The following CDK12 variants were observed in gnomAD, a reference collection of about 807,000 sequenced individuals.
The protein encoded by CDK12 is cyclin dependent kinase 12.
A neutral mutation model predicts 133.8 loss-of-function variants in CDK12; 17 were observed. The ratio of observed to expected loss-of-function variants is 0.13; its 90% CI spans 0.09 to 0.19. CDK12 has a LOEUF of 0.19. Ranked by LOEUF, CDK12 falls within the 10% of genes least tolerant of loss-of-function variation. CDK12 has a pLI of 1.00. For missense variants in CDK12, 1,508 were observed against 1,818.7 expected, an observed-to-expected ratio of 0.83 and a Z score of 3.11; for synonymous variants, 694 against 683.6, an observed-to-expected ratio of 1.02 and a Z score of -0.24.
intron 2 of CDK12, among the ~76,000 whole-genome samples, chr17:39,479,580 A>G (rs957437567): frequency 1.3e-5 from 2 of 152,104 alleles, no homozygotes; most frequent in South Asian, 4.1e-4. Flanking sequence ...TAAAGAACAT[A>G]AAGCTTACAT....
chr17:39,507,819 A>G (rs899063732), intron 6 of CDK12, among the ~76,000 whole-genome samples: 1 of 152,154 alleles, frequency 6.6e-6, no homozygotes, highest in African/African-American at 2.4e-5. Context: ...TAAGTTAACT[A>G]TTTCTTGTTG....
Position 39,470,861 on chromosome 17 carries a change from G to A in CDK12, c.1047-18G>A, listed in dbSNP as rs200070621. On this transcript the variant is annotated intron_variant, in intron 1 of 13. Transcript: ENST00000447079. ...TACTGTAGTCCATTCATTTAAAACT[G>A]GCTTTTTATTTTTCCAGTAGGAAAT... 2 of 1,581,620 alleles carry A rather than the reference G, an allele frequency of 1.3e-6. No homozygotes were observed. Among genetic ancestry groups the A allele is most frequent in the Admixed American group, 3.8e-5 (2 of 52,638 alleles).
chr17:39,537,093 G>A (rs2055166465), downstream of CDK12, among the ~76,000 whole-genome samples: 6 of 152,170 alleles, frequency 3.9e-5, 1 homozygote, highest in South Asian at 1.2e-3. Context: ...CCACCATATA[G>A]CAGTCAGAGC....
At chr17:39,498,510 G>A (rs964883317) in intron 5 of CDK12, among the ~76,000 whole-genome samples, 1 of 151,768 alleles carries the variant, frequency 6.6e-6, no homozygotes, top group South Asian at 2.1e-4. Context: ...GGCGTGAGCC[G>A]CCGCGCCCGG....
chr17:39,466,924 G>GT (rs2049373989), intron 1 of CDK12, among the ~76,000 whole-genome samples: 1 of 151,406 alleles, frequency 6.6e-6, no homozygotes. Flanking sequence ...ATTCTCTTGT[G>GT]TTTTTTTCCT....
At chr17:39,557,566 G>C (rs1476574377) in intron 3 of CDK12, among the ~76,000 whole-genome samples, 1 of 152,168 alleles carries the variant, frequency 6.6e-6, no homozygotes, top group Non-Finnish European at 1.5e-5. Context: ...AAAAGCATCA[G>C]ATTTTAGCAG....
chr17:39,501,137 GT>G, intron 5 of CDK12, 112 bp from the exon 6 acceptor site: 1 of 661,398 alleles, frequency 1.5e-6, no homozygotes, highest in East Asian at 2.9e-5. Context: ...AAATTCAAGG[GT>G]TTTTTCTAGA....
Position 39,533,445 on chromosome 17 carries a change from T to C in CDK12, c.*2129T>C, listed in dbSNP as rs1000539490. 6 of 233,098 alleles carry C rather than the reference T, an allele frequency of 2.6e-5. No individual in the cohort carries two copies. Among genetic ancestry groups the C allele is most frequent in the Admixed American group, 1.1e-4 (2 of 17,776 alleles). The allele number at this position is 233,098 out of a possible 1,614,324, so 14.4% of individuals were successfully genotyped here. On this transcript the variant is annotated 3_prime_UTR_variant, in exon 14 of 14. Transcript: ENST00000447079. The stretch of plus-strand genomic sequence containing the variant: ...AGTTATTGGGCCCCACTCCCTGTTT[T>C]TTATTAAAGAACGTGAGCCTGGGAT...
Position 39,461,961 on chromosome 17 carries a change from C to T in CDK12, c.-111C>T, listed in dbSNP as rs886758353. ...GCTACCGTCCCTGCCCTCCCCACCC[C>T]CTTCCCGGGGCGCTTTGGTGGGCGT... On this transcript the variant is annotated 5_prime_UTR_variant, in exon 1 of 14. Transcript: ENST00000447079. 1.2e-6 allele frequency: 1 copy of T among 818,546 alleles called. No homozygotes were observed. The highest frequency in any genetic ancestry group is 3.0e-5 in the East Asian group (1 of 33,374). The allele number at this position is 818,546 out of a possible 1,614,324, so 50.7% of individuals were successfully genotyped here. A position where few individuals can be genotyped will look rare whatever the true frequency, so the allele number is the denominator to read the frequency against.
chr17:39,494,057 C>T (rs998951851), intron 4 of CDK12, among the ~76,000 whole-genome samples: 18 of 152,014 alleles, frequency 1.2e-4, no homozygotes, highest in Admixed American at 4.6e-4. Flanking sequence ...TATAAAATTT[C>T]CTTTTTTGTT....
intron 2 of CDK12, among the ~76,000 whole-genome samples, chr17:39,553,676 G>A (rs1050668180): frequency 6.6e-6 from 1 of 152,210 alleles, no homozygotes; most frequent in Admixed American, 6.5e-5. Flanking sequence ...GGGACTGTGG[G>A]CTTGAAGATA....
At chr17:39,551,673 G>A (rs1347636863) in intron 2 of CDK12, among the ~76,000 whole-genome samples, 3 of 152,184 alleles carry the variant, frequency 2.0e-5, no homozygotes, top group African/African-American at 7.2e-5. Context: ...CTGAATTCAT[G>A]TGGTGCCATG....
At chr17:39,559,856 TTA>T (rs2056307679) in intron 3 of CDK12, among the ~76,000 whole-genome samples, 1 of 54,162 alleles carries the variant, frequency 1.8e-5, no homozygotes, top group Non-Finnish European at 3.6e-5. Flanking sequence ...AGAAAAAATG[TTA>T]AAAAAAAAAA....
intron 3 of CDK12, among the ~76,000 whole-genome samples, chr17:39,563,817 C>CA (rs1161806884): frequency 6.6e-6 from 1 of 152,114 alleles, no homozygotes; most frequent in Non-Finnish European, 1.5e-5. Flanking sequence ...GGGGGAAAAA[C>CA]CAGCAGCTGT....
At chr17:39,477,966 A>G (rs922975906) in intron 2 of CDK12, among the ~76,000 whole-genome samples, 1 of 151,516 alleles carries the variant, frequency 6.6e-6, no homozygotes, top group Non-Finnish European at 1.5e-5. Context: ...TCGGCCTCCC[A>G]AAGTGCTGGG....
intron 5 of CDK12, among the ~76,000 whole-genome samples, chr17:39,499,226 A>ATTTTTT (rs2052529197): frequency 1.8e-5 from 1 of 56,084 alleles, no homozygotes; most frequent in Non-Finnish European, 3.3e-5. Flanking sequence ...TTTTTTTTTG[A>ATTTTTT]GACAGAGTCT....
chr17:39,495,240 G>A (rs2051983146), intron 5 of CDK12, among the ~76,000 whole-genome samples: 1 of 151,384 alleles, frequency 6.6e-6, no homozygotes, highest in Non-Finnish European at 1.5e-5. Flanking sequence ...ATCATTCCGG[G>A]CTTATTTTTG....
At position 39,531,099 on chromosome 17, in the gene CDK12, C is replaced by G. The variant is rs2054814526; in HGVS notation, c.4256C>G (p.Pro1419Arg). ...GCGTTACACCCGGTGGTCGGGCAACCATTCCTGAAGGCTGAGGGAAGCAGC... is the reference window on the plus strand; with the variant it reads ...GCGTTACACCCGGTGGTCGGGCAACGATTCCTGAAGGCTGAGGGAAGCAGC... ...PLALHPVVGQPFLKAEGSSNS... is the reference protein window; with the variant it reads ...PLALHPVVGQRFLKAEGSSNS... The change falls in exon 14 of 14, where the codon CCA (proline) becomes CGA (arginine). Residue 1419 changes from proline to arginine, a missense_variant. Pro to Arg is a moderately radical substitution (Grantham distance 103, BLOSUM62 -2). Transcript: ENST00000447079. 1 of 1,590,506 alleles carries G rather than the reference C, an allele frequency of 6.3e-7. No homozygotes were observed. Among genetic ancestry groups the G allele is most frequent in the Admixed American group, 1.8e-5 (1 of 56,034 alleles).
chr17:39,563,051 C>T (rs964120065), intron 3 of CDK12, among the ~76,000 whole-genome samples: 3 of 151,982 alleles, frequency 2.0e-5, no homozygotes. Flanking sequence ...ACTTAATTAA[C>T]AAATTCACAT....
Sources: gnomAD v4.1 joint callset for allele counts (sites outside exome capture counted in the v4.1 genomes callset) on GRCh38, gnomAD v4.1.1 for gene constraint, MANE v1.5 for transcripts, NCBI Gene and HGNC (gene_info 2026-07-23, HGNC 2026-07-21) for gene names.